ARSH: variants seen among roughly 807,000 people sequenced by gnomAD.
The protein encoded by ARSH is arylsulfatase family member H, also known as arylsulfatase H.
ARSH carries 32 observed loss-of-function variants against 28.7 expected under a neutral mutation model. That is an observed-to-expected ratio of 1.11 (90% CI 0.84 to 1.50). The LOEUF (loss-of-function observed/expected upper bound fraction) is 1.50, where lower values mean the gene tolerates loss of function less well. ARSH is among the 40% of genes most tolerant of loss of function. The pLI is 0.00. For missense variants in ARSH, 440 were observed against 452.4 expected (o/e 0.97, Z 0.25); for synonymous variants, 176 against 177.3 (o/e 0.99, Z 0.06).
intron 2 of ARSH, among the ~76,000 whole-genome samples, chrX:3,012,581 A>ATATATATAT (rs1555914105): frequency 9.0e-4 from 19 of 21,043 alleles, no homozygotes; most frequent in African/African-American, 2.8e-3. Flanking sequence ...ATATATATAT[A>ATATATATAT]TATATATATA....
Position 3,006,621 on chromosome X carries a change from A to G in ARSH, c.9A>G (p.Arg3=), listed in dbSNP as rs144573638. Residue 3 remains arginine, a synonymous_variant, in exon 1 of 9, where the codon AGA becomes AGG. Coordinates refer to ENST00000381130, the MANE Select transcript of ARSH (RefSeq NM_001011719.2). MT[R]NARPNIVLLM... ...GTGTTGATGGCACATTTATGACAAG[A>G]AACGCCAGACCCAACATTGTCCTGC... is the stretch of plus-strand genomic sequence containing the variant. 3.9e-5 allele frequency: 47 copies of G among 1,208,912 alleles called. No homozygotes were observed. The highest frequency in any genetic ancestry group is 1.5e-4 in the East Asian group (5 of 33,734).
intron 8 of ARSH, among the ~76,000 whole-genome samples, chrX:3,031,452 G>A (rs909345577): frequency 1.8e-5 from 2 of 111,340 alleles, no homozygotes; most frequent in South Asian, 3.8e-4. Flanking sequence ...AAATAGCATC[G>A]TTTGCCTTAG....
At chrX:3,007,670 CTCT>C in intron 1 of ARSH, among the ~76,000 whole-genome samples, 1 of 97,276 alleles carries the variant, frequency 1.0e-5, no homozygotes, top group Admixed American at 1.1e-4. Flanking sequence ...GTGTCCTCAT[CTCT>C]TCTTCTTATG....
chrX:3,012,464 C>T lies in ARSH; in HGVS notation c.215-583C>T, dbSNP rs371884770. Among the ~76,000 whole-genome samples the T allele has an allele frequency of 6.0e-4, 53 of 88,449 alleles. 2 individuals are homozygous for T. The South Asian group carries it at 0.03, about 50-fold the overall frequency. 76.8% of individuals were successfully genotyped at this position (88,449 alleles called of 115,157 possible). ...GCGGAGGCACGAGAATTGCTTGAAC[C>T]TGGGAGGCGGAGGTTGCAGTGAGCC... On this transcript the variant is annotated intron_variant, in intron 2 of 8. Transcript: ENST00000381130.
At position 3,011,252 on chromosome X, in the gene ARSH, C is replaced by CTT. The variant is rs386419239; in HGVS notation, c.214+1115_214+1116dup. On this transcript the variant is annotated intron_variant, in intron 2 of 8. Coordinates refer to ENST00000381130, the MANE Select transcript of ARSH (RefSeq NM_001011719.2). ...GGATTTTTTCTTTTTTTCTTTCTTT[C>CTT]TTTTTTTTTTTTTTTGAGACAGACT... 3.9e-3 allele frequency among the ~76,000 whole-genome samples: 357 copies of CTT among 90,808 alleles called. 3 individuals are homozygous for CTT. Among genetic ancestry groups the CTT allele is most frequent in the South Asian group, 6.4e-3 (12 of 1,883 alleles). 78.9% of individuals were successfully genotyped at this position (90,808 alleles called of 115,157 possible).
intron 5 of ARSH, 118 bp from the exon 6 acceptor site, chrX:3,023,903 G>A (rs952623717): frequency 4.1e-6 from 3 of 739,006 alleles, no homozygotes; most frequent in Non-Finnish European, 5.9e-6. Flanking sequence ...ACAATATCGT[G>A]TAGTGCAGAA....
At chrX:3,022,824 T>C (rs966781395) in intron 5 of ARSH, among the ~76,000 whole-genome samples, 4 of 111,024 alleles carry the variant, frequency 3.6e-5, no homozygotes, top group Non-Finnish European at 7.5e-5. Context: ...AGCAAGTCTC[T>C]AAGGGAGGTG....
At chrX:3,022,440 G>A (rs771227048) in intron 5 of ARSH, among the ~76,000 whole-genome samples, 28 of 111,694 alleles carry the variant, frequency 2.5e-4, no homozygotes, top group African/African-American at 7.1e-4. Flanking sequence ...CTGAGTTTAC[G>A]TATAAACAGT....
chrX:3,032,810 A>T (rs1237923748), intron 8 of ARSH, among the ~76,000 whole-genome samples: 2 of 112,143 alleles, frequency 1.8e-5, no homozygotes, highest in East Asian at 5.6e-4. Context: ...AAATATTCTC[A>T]TGACAAGATT....
chrX:3,007,951 T>C, intron 1 of ARSH, among the ~76,000 whole-genome samples: 1 of 111,365 alleles, frequency 9.0e-6, no homozygotes, highest in African/African-American at 3.3e-5. Context: ...AGGGTCCACT[T>C]TAACGACCTC....
At chrX:3,009,380 G>T in intron 1 of ARSH, among the ~76,000 whole-genome samples, 1 of 111,361 alleles carries the variant, frequency 9.0e-6, no homozygotes, top group East Asian at 2.8e-4. Flanking sequence ...GCTGAGGCAG[G>T]AGGATCACTT....
rs1219680671 is a variant in ARSH at position 3,024,045 on chromosome X, A to G, written c.926A>G (p.Gln309Arg). Residue 309 changes from glutamine (Q) to arginine (R), a missense_variant, in exon 6 of 9, where the codon CAG (glutamine) becomes CGG (arginine). Physicochemically the swap from Gln to Arg is conservative, Grantham distance 43 (BLOSUM62 1). Transcript: ENST00000381130. ...GGTAAAATCCTGGATGCCCTGGACC[A>G]GGAGCGCCTGGCCAACCACACCTTG... ...MVGKILDALD[Q>R]ERLANHTLVY... is the part of the protein sequence containing the mutation. 2.4e-5 allele frequency: 29 copies of G among 1,207,426 alleles called. No homozygotes were observed. Among genetic ancestry groups the G allele is most frequent in the Non-Finnish European group, 3.1e-5 (28 of 894,487 alleles).
At chrX:3,021,707 C>T (rs926362306) in intron 5 of ARSH, among the ~76,000 whole-genome samples, 1 of 90,233 alleles carries the variant, frequency 1.1e-5, no homozygotes. Context: ...ACTTTTAGTC[C>T]TTTTTTTTTT....
At chrX:3,009,963 T>C in intron 1 of ARSH, 67 bp from the exon 2 acceptor site, 3 of 1,160,275 alleles carry the variant, frequency 2.6e-6, no homozygotes, top group South Asian at 1.9e-5. Flanking sequence ...TAGAATAGCT[T>C]TGATCCTTGA....
At chrX:3,024,287 CG>C in intron 6 of ARSH, 132 bp downstream of exon 6, 3 of 685,948 alleles carry the variant, frequency 4.4e-6, no homozygotes, top group Non-Finnish European at 1.9e-6. Context: ...TAAGCTAGAC[CG>C]AAAAAAAAAA....
Position 3,033,401 on chromosome X carries a change from G to A in ARSH, c.*16G>A, listed in dbSNP as rs774118629. 9 of 1,180,206 alleles carry A rather than the reference G, an allele frequency of 7.6e-6. No homozygotes were observed. Among genetic ancestry groups the A allele is most frequent in the Non-Finnish European group, 1.0e-5 (9 of 879,349 alleles). ...GGCTCCCTGAGACCATGCGGACCAC[G>A]TGTTACCCACCACAAACTTACTGTT... On this transcript the variant is annotated 3_prime_UTR_variant, in exon 9 of 9. Coordinates refer to ENST00000381130, the MANE Select transcript of ARSH (RefSeq NM_001011719.2).
Position 3,015,056 on chromosome X carries a change from G to A in ARSH, c.427G>A (p.Val143Met). The change falls in exon 4 of 9, where the codon GTG (valine) becomes ATG (methionine). Residue 143 changes from valine to methionine, a missense_variant. Transcript: ENST00000381130. The stretch of plus-strand genomic sequence containing the variant: ...CCATGGTTTTCACTACTTTTACGGG[G>A]TGCCTTTTGGACTTTTAAGCGACTG... ...LNHGFHYFYG[V>M]PFGLLSDCQA... 8.3e-7 allele frequency: 1 copy of A among 1,210,913 alleles called. No homozygotes were observed. Among genetic ancestry groups the A allele is most frequent in the Non-Finnish European group, 1.1e-6 (1 of 895,235 alleles).
rs143488630 is a variant in ARSH at position 3,010,046 on chromosome X, C to T, written c.109C>T (p.Arg37Cys). The T allele has an allele frequency of 1.2e-3, 1,454 of 1,209,072 alleles. 22 individuals are homozygous for T. In the South Asian group the frequency reaches 0.023, roughly 19 times the overall value. ...GGTCTGCAGCACACCTAATATTGAC[C>T]GCCTGGCAAGTGAAGGAGTGAGGCT... ...NNSVSTPNID[R>C]LASEGVRLTQ... is the part of the protein sequence containing the mutation. Residue 37 changes from arginine (R) to cysteine (C), a missense_variant, in exon 2 of 9, where the codon CGC (arginine) becomes TGC (cysteine). By Grantham distance (180) the Arg-to-Cys change is radical. Coordinates refer to ENST00000381130, the MANE Select transcript of ARSH (RefSeq NM_001011719.2).
intron 3 of ARSH, among the ~76,000 whole-genome samples, chrX:3,014,122 C>T (rs751252456): frequency 2.7e-5 from 3 of 111,188 alleles, no homozygotes; most frequent in Non-Finnish European, 5.7e-5. Context: ...TTAAAATTAG[C>T]TGGGCATGGT....
Sources: gnomAD v4.1 joint callset for allele counts (sites outside exome capture counted in the v4.1 genomes callset) on GRCh38, gnomAD v4.1.1 for gene constraint, MANE v1.5 for transcripts, NCBI Gene and HGNC (gene_info 2026-07-23, HGNC 2026-07-21) for gene names.